CASD1: variants seen among roughly 807,000 people sequenced by gnomAD.
The protein encoded by CASD1 is CAS1 domain sialic acid O acetyltransferase 1.
In CASD1, 41 loss-of-function variants were observed where a neutral mutation model predicts 100.0. That is an observed-to-expected ratio of 0.41 (90% CI 0.32 to 0.53). CASD1 has a LOEUF of 0.53. Ranked by LOEUF, CASD1 falls within the 20% of genes least tolerant of loss-of-function variation. The pLI is 0.25. For synonymous variants in CASD1, 321 were observed against 315.6 expected (o/e 1.02, Z -0.18); for missense variants, 774 against 948.7 (o/e 0.82, Z 2.42).
the CASD1 span, among the ~76,000 whole-genome samples, chr7:94,630,856 G>T: frequency 1.3e-5 from 2 of 151,890 alleles, no homozygotes; most frequent in Non-Finnish European, 2.9e-5. Flanking sequence ...CTCACTCCAA[G>T]CTCACAACTT....
chr7:94,595,593 TATA>T, the CASD1 span, among the ~76,000 whole-genome samples: 1 of 152,012 alleles, frequency 6.6e-6, no homozygotes, highest in African/African-American at 2.4e-5. Flanking sequence ...CCTCCCAAAA[TATA>T]ATATCACATT....
chr7:94,579,090 A>G, the CASD1 span, among the ~76,000 whole-genome samples: 47 of 152,186 alleles, frequency 3.1e-4, no homozygotes, highest in Non-Finnish European at 6.3e-4. Flanking sequence ...TTCATCTTCC[A>G]TAATACACTA....
chr7:94,534,345 T>C, intron 7 of CASD1, among the ~76,000 whole-genome samples: 1 of 151,942 alleles, frequency 6.6e-6, no homozygotes. Context: ...TTTTTGTATG[T>C]TTGATAGAGA....
the CASD1 span, chr7:94,600,761 A>G: frequency 2.5e-6 from 4 of 1,613,758 alleles, no homozygotes; most frequent in South Asian, 1.1e-5. Context: ...CTGCTTTTCA[A>G]AGAATCAGAA....
chr7:94,567,954 C>T, the CASD1 span, among the ~76,000 whole-genome samples: 8 of 151,882 alleles, frequency 5.3e-5, no homozygotes, highest in Admixed American at 2.0e-4. Flanking sequence ...CCTAAATTAA[C>T]GTATAAAGTT....
intron 5 of CASD1, among the ~76,000 whole-genome samples, chr7:94,532,189 A>G (rs2116305536): frequency 6.6e-6 from 1 of 152,268 alleles, no homozygotes; most frequent in East Asian, 1.9e-4. Context: ...AGATGGTACC[A>G]AACCCTATGT....
chr7:94,588,438 C>T, the CASD1 span: 1 of 1,291,534 alleles, frequency 7.7e-7, no homozygotes, highest in South Asian at 1.8e-5. Flanking sequence ...TTCATTCAGT[C>T]TTCCTTAATT....
the CASD1 span, among the ~76,000 whole-genome samples, chr7:94,575,659 G>T: frequency 2.0e-5 from 3 of 152,058 alleles, no homozygotes; most frequent in African/African-American, 7.2e-5. Context: ...TAATATTTCT[G>T]GTAGGGCAGG....
At chr7:94,545,451 A>ACT in intron 11 of CASD1, 94 bp from the exon 12 acceptor site, 3 of 844,656 alleles carry the variant, frequency 3.6e-6, no homozygotes, top group Non-Finnish European at 5.7e-6. Flanking sequence ...AGCCATTTAT[A>ACT]CTCTGTCAGA....
chr7:94,618,414 T>A, the CASD1 span: 1 of 220,048 alleles, frequency 4.5e-6, no homozygotes, highest in African/African-American at 2.3e-5. Flanking sequence ...CAGCAGTCTG[T>A]GCATCCTTCT....
At chr7:94,539,887 T>C (rs1175121073) in intron 10 of CASD1, among the ~76,000 whole-genome samples, 4 of 152,178 alleles carry the variant, frequency 2.6e-5, no homozygotes, top group Non-Finnish European at 5.9e-5. Flanking sequence ...CAAATACAGG[T>C]GGACCACCTT....
chr7:94,568,670 A>G, the CASD1 span, among the ~76,000 whole-genome samples: 1 of 152,330 alleles, frequency 6.6e-6, no homozygotes, highest in Non-Finnish European at 1.5e-5. Context: ...ATGAATTAAT[A>G]TGTTGAAACC....
chr7:94,582,386 G>C, the CASD1 span, among the ~76,000 whole-genome samples: 1 of 152,172 alleles, frequency 6.6e-6, no homozygotes, highest in Admixed American at 6.5e-5. Flanking sequence ...GCCTCCCAAA[G>C]TGCTGCAATT....
At chr7:94,577,440 T>C in the CASD1 span, among the ~76,000 whole-genome samples, 3 of 152,180 alleles carry the variant, frequency 2.0e-5, no homozygotes, top group Admixed American at 1.3e-4. Flanking sequence ...TTACATGCCT[T>C]TGCGAAGGAG....
intron 9 of CASD1, among the ~76,000 whole-genome samples, chr7:94,538,232 A>T (rs1795212702): frequency 6.6e-6 from 1 of 152,202 alleles, no homozygotes. Context: ...AGATACTATT[A>T]TCTTTTATAA....
the CASD1 span, chr7:94,587,770 A>G: frequency 2.6e-6 from 4 of 1,546,242 alleles, no homozygotes; most frequent in East Asian, 2.4e-5. Context: ...CAATTTCATT[A>G]TACTTGCCTC....
chr7:94,601,451 A>AAAAAAC, the CASD1 span, among the ~76,000 whole-genome samples: 1 of 61,686 alleles, frequency 1.6e-5, no homozygotes, highest in African/African-American at 4.3e-5. Flanking sequence ...ATCAAAAAAA[A>AAAAAAC]AAAAAAAAAA....
Position 94,533,565 on chromosome 7 carries a change from TTAAA to T in CASD1, c.505-109_505-106del, listed in dbSNP as rs376902347. 130 of 794,122 alleles carry T rather than the reference TTAAA, an allele frequency of 1.6e-4. No homozygotes were observed. In the East Asian group the frequency reaches 3.8e-3, roughly 23 times the overall value. The allele number at this position is 794,122 out of a possible 1,614,324, so 49.2% of individuals were successfully genotyped here. On this transcript the variant is annotated intron_variant, in intron 6 of 17. Transcript: ENST00000297273. ...AATTTGACTGAATTTTATTCTAATA[TTAAA>T]TAAAATGAGAAATATCTAAAATAAT... is the stretch of plus-strand genomic sequence containing the variant.
chr7:94,549,754 A>G, intron 14 of CASD1, 120 bp downstream of exon 14: 1 of 686,284 alleles, frequency 1.5e-6, no homozygotes, highest in East Asian at 2.9e-5. Context: ...TTAGTAAATC[A>G]AAGCAGTCCA....
Sources: gnomAD v4.1 joint callset for allele counts (sites outside exome capture counted in the v4.1 genomes callset) on GRCh38, gnomAD v4.1.1 for gene constraint, MANE v1.5 for transcripts, NCBI Gene and HGNC (gene_info 2026-07-23, HGNC 2026-07-21) for gene names.